HNF4G: variants seen among roughly 807,000 people sequenced by gnomAD.
HNF4G encodes the protein hepatocyte nuclear factor 4 gamma, also known as hepatocyte nuclear factor 4-gamma.
HNF4G carries 21 observed loss-of-function variants against 50.9 expected under a neutral mutation model. The ratio of observed to expected loss-of-function variants is 0.41; its 90% confidence interval spans 0.29 to 0.59. The LOEUF is 0.59. Among genes scored for constraint, HNF4G ranks in the 20% least tolerant of loss-of-function variants. The pLI is 0.26. For synonymous variants in HNF4G, 198 were observed against 185.6 expected, an observed-to-expected ratio of 1.07 and a Z score of -0.54; for missense variants, 527 against 559.4, an observed-to-expected ratio of 0.94 and a Z score of 0.58.
At chr8:75,478,895 T>C (rs1397979671) in intron 1 of HNF4G, among the ~76,000 whole-genome samples, 4 of 152,162 alleles carry the variant, frequency 2.6e-5, no homozygotes, top group Admixed American at 6.5e-5. Flanking sequence ...GGCTAATTTG[T>C]ATTTTTAGTA....
chr8:75,477,264 A>G (rs1812262079), intron 1 of HNF4G, among the ~76,000 whole-genome samples: 1 of 152,196 alleles, frequency 6.6e-6, no homozygotes. Context: ...CTACCATTAA[A>G]TTTTCTAAAG....
intron 1 of HNF4G, among the ~76,000 whole-genome samples, chr8:75,439,825 TA>T (rs1432900982): frequency 6.6e-6 from 1 of 152,030 alleles, no homozygotes; most frequent in African/African-American, 2.4e-5. Flanking sequence ...ATTTCTACCT[TA>T]AAACTGTTTT....
At chr8:75,538,092 A>C (rs1185501980), upstream of HNF4G, among the ~76,000 whole-genome samples, 3 of 152,182 alleles carry the variant, frequency 2.0e-5, no homozygotes. Flanking sequence ...CCACTTGAGG[A>C]GATATGCTTG....
intron 1 of HNF4G, among the ~76,000 whole-genome samples, chr8:75,442,781 A>C (rs1173855086): frequency 6.6e-6 from 1 of 152,118 alleles, no homozygotes; most frequent in East Asian, 1.9e-4. Context: ...TGATCATGAC[A>C]ATATAAAAAC....
chr8:75,543,456 A>T (rs1436261122), intron 1 of HNF4G, among the ~76,000 whole-genome samples: 1 of 152,206 alleles, frequency 6.6e-6, no homozygotes, highest in Non-Finnish European at 1.5e-5. Context: ...GAAGTTCTTC[A>T]ATAGGTGCTT....
chr8:75,417,063 G>A (rs1810655885), intron 1 of HNF4G, among the ~76,000 whole-genome samples: 1 of 152,148 alleles, frequency 6.6e-6, no homozygotes, highest in African/African-American at 2.4e-5. Flanking sequence ...TATTTATTCC[G>A]ATTACTGTAG....
intron 1 of HNF4G, among the ~76,000 whole-genome samples, chr8:75,472,863 T>A (rs1812148490): frequency 6.6e-6 from 1 of 152,102 alleles, no homozygotes; most frequent in Non-Finnish European, 1.5e-5. Flanking sequence ...TAATACTTTT[T>A]AAAAATTAAA....
intron 1 of HNF4G, among the ~76,000 whole-genome samples, chr8:75,483,942 C>G (rs907884210): frequency 1.3e-5 from 2 of 152,124 alleles, no homozygotes; most frequent in Non-Finnish European, 2.9e-5. Context: ...CACATGGACA[C>G]TTTCACATAA....
intron 1 of HNF4G, among the ~76,000 whole-genome samples, chr8:75,489,915 T>A (rs1488451452): frequency 2.6e-5 from 4 of 152,228 alleles, no homozygotes; most frequent in Non-Finnish European, 5.9e-5. Flanking sequence ...AGAGTTTTCT[T>A]AAGTATAAAC....
intron 4 of HNF4G, 58 bp from the exon 5 acceptor site, chr8:75,552,984 G>T: frequency 2.4e-6 from 3 of 1,256,822 alleles, no homozygotes; most frequent in South Asian, 2.9e-5. Flanking sequence ...AAGAAAAAAA[G>T]GGGAATGTTG....
intron 5 of HNF4G, among the ~76,000 whole-genome samples, chr8:75,553,669 A>G (rs1217951249): frequency 2.0e-5 from 3 of 152,006 alleles, no homozygotes; most frequent in Middle Eastern, 3.4e-3. Flanking sequence ...ACTTCATGCA[A>G]TTAACATAAA....
intron 1 of HNF4G, among the ~76,000 whole-genome samples, chr8:75,465,885 A>G (rs772779559): frequency 2.8e-4 from 43 of 152,102 alleles, no homozygotes; most frequent in Admixed American, 6.5e-5. Context: ...TCCTCCTTCT[A>G]TTGGAAATGA....
intron 8 of HNF4G, among the ~76,000 whole-genome samples, chr8:75,559,314 G>A (rs762549145): frequency 6.0e-5 from 9 of 149,064 alleles, no homozygotes; most frequent in Admixed American, 3.4e-4. Flanking sequence ...TCGCTCAGTC[G>A]CCAGGCTGGA....
intron 1 of HNF4G, among the ~76,000 whole-genome samples, chr8:75,449,657 C>A (rs1179752369): frequency 6.6e-6 from 1 of 151,808 alleles, no homozygotes; most frequent in Non-Finnish European, 1.5e-5. Flanking sequence ...CAGGCTCCCG[C>A]CACCACGCCA....
At chr8:75,470,420 A>G (rs1812088148) in intron 1 of HNF4G, among the ~76,000 whole-genome samples, 1 of 152,090 alleles carries the variant, frequency 6.6e-6, no homozygotes, top group African/African-American at 2.4e-5. Context: ...CATTTTTCCA[A>G]TTGTAGTCTA....
chr8:75,508,816 C>T (rs893618122), intron 2 of HNF4G, among the ~76,000 whole-genome samples: 3 of 152,042 alleles, frequency 2.0e-5, no homozygotes, highest in African/African-American at 4.8e-5. Flanking sequence ...AAGCTGAAGA[C>T]GAAGGCCAGA....
intron 1 of HNF4G, among the ~76,000 whole-genome samples, chr8:75,487,872 A>G (rs2130673563): frequency 6.6e-6 from 1 of 152,286 alleles, no homozygotes; most frequent in South Asian, 2.1e-4. Context: ...CAGGAAACTC[A>G]CAATCATGGT....
At chr8:75,508,369 TAAAA>T (rs74275110) in intron 2 of HNF4G, among the ~76,000 whole-genome samples, 1 of 134,560 alleles carries the variant, frequency 7.4e-6, no homozygotes, top group Non-Finnish European at 1.6e-5. Context: ...AGCATTTACT[TAAAA>T]AAAAAAAAAA....
At chr8:75,493,229 A>C (rs371272355) in intron 2 of HNF4G, among the ~76,000 whole-genome samples, 2 of 152,156 alleles carry the variant, frequency 1.3e-5, no homozygotes, top group Non-Finnish European at 2.9e-5. Flanking sequence ...AAAGACAGCA[A>C]GGTATATATC....
Sources: gnomAD v4.1 joint callset for allele counts (sites outside exome capture counted in the v4.1 genomes callset) on GRCh38, gnomAD v4.1.1 for gene constraint, MANE v1.5 for transcripts, NCBI Gene and HGNC (gene_info 2026-07-23, HGNC 2026-07-21) for gene names.